HNF1B: variants seen among roughly 807,000 people sequenced by gnomAD.
HNF1B encodes HNF1 homeobox B.
In HNF1B, 8 loss-of-function variants were observed where a neutral mutation model predicts 61.7. That is an observed-to-expected ratio of 0.13 (90% CI 0.08 to 0.23). The LOEUF is 0.23. Ranked by LOEUF, HNF1B falls within the 10% of genes least tolerant of loss-of-function variation. The pLI is 1.00. For missense variants in HNF1B, 562 were observed against 714.5 expected, an observed-to-expected ratio of 0.79 and a Z score of 2.43; for synonymous variants, 314 against 287.7, an observed-to-expected ratio of 1.09 and a Z score of -0.93.
rs141193981 is a variant in HNF1B at position 37,699,135 on chromosome 17, T to C, written c.1594A>G (p.Met532Val). 459 of 1,614,016 alleles carry C rather than the reference T, an allele frequency of 2.8e-4. No homozygotes were observed. Among genetic ancestry groups the C allele is most frequent in the Non-Finnish European group, 3.6e-4 (429 of 1,180,010 alleles). The change falls in exon 8 of 9, where the codon ATG becomes GTG. Residue 532 changes from methionine (M) to valine (V), a missense_variant. By Grantham distance (21) the Met-to-Val change is conservative. Around this residue, in one of 6 missense-constraint regions of HNF1B, gnomAD observed 64 missense variants for 96.9 expected, o/e 0.66. Transcript: ENST00000617811. ...ATGCTGCTGGTATCTGTGACCACCATTGCAGATGGAAACCGGGAGGTGTGG... is the reference window on the plus strand; with the variant it reads ...ATGCTGCTGGTATCTGTGACCACCACTGCAGATGGAAACCGGGAGGTGTGG... ...YSHTSRFPSAMVVTDTSSIST... is the reference protein window; with the variant it reads ...YSHTSRFPSAVVVTDTSSIST...
At chr17:37,697,846 TGTGTGTTTC>T in intron 8 of HNF1B, among the ~76,000 whole-genome samples, 1 of 152,250 alleles carries the variant, frequency 6.6e-6, no homozygotes, top group South Asian at 2.1e-4. Flanking sequence ...CCTGGTCGTG[TGTGTGTTTC>T]AGTGCCCAAG....
chr17:37,729,497 T>C (rs1390075001), intron 4 of HNF1B: 1 of 143,302 alleles, frequency 7.0e-6, no homozygotes, highest in Non-Finnish European at 1.5e-5. Context: ...CAGTGTCCCA[T>C]AACTGTTGCT....
intron 4 of HNF1B, among the ~76,000 whole-genome samples, chr17:37,718,285 G>A (rs1284162885): frequency 2.6e-5 from 4 of 152,182 alleles, no homozygotes; most frequent in African/African-American, 9.7e-5. Flanking sequence ...CCCCCACAAG[G>A]TCTACCTGGG....
chr17:37,709,349 A>C (rs1375038652), intron 5 of HNF1B, among the ~76,000 whole-genome samples: 2 of 152,116 alleles, frequency 1.3e-5, no homozygotes, highest in Non-Finnish European at 2.9e-5. Context: ...TCCCAGGCTC[A>C]AGTGAGCTCC....
At chr17:37,716,538 C>G (rs1410184540) in intron 4 of HNF1B, among the ~76,000 whole-genome samples, 1 of 152,160 alleles carries the variant, frequency 6.6e-6, no homozygotes, top group Non-Finnish European at 1.5e-5. Context: ...CCCGTAAGCC[C>G]TGTGGTTCTT....
At position 37,744,535 on chromosome 17, in the gene HNF1B, G is replaced by T; in HGVS notation, c.344+6C>A. ...GTGGGTCCCCTCCACCTCGCTCTGC[G>T]CCTACCTGAGCATCCGGTCCACCTC... On this transcript the variant is annotated splice_donor_region_variant and intron_variant, in intron 1 of 8. Transcript: ENST00000617811. 1 of 1,601,144 alleles carries T rather than the reference G, an allele frequency of 6.2e-7. No individual in the cohort carries two copies.
intron 1 of HNF1B, among the ~76,000 whole-genome samples, chr17:37,743,386 AG>A (rs2034061173): frequency 6.6e-6 from 1 of 152,238 alleles, no homozygotes; most frequent in Non-Finnish European, 1.5e-5. Context: ...GAGAGCGACG[AG>A]GGAAGAACCT....
intron 2 of HNF1B, among the ~76,000 whole-genome samples, chr17:37,735,496 G>C (rs2033807855): frequency 6.6e-6 from 1 of 152,168 alleles, no homozygotes; most frequent in Admixed American, 6.5e-5. Flanking sequence ...ATTCACCTTG[G>C]AGGATTCTTA....
intron 5 of HNF1B, among the ~76,000 whole-genome samples, chr17:37,710,070 T>C (rs2147471796): frequency 6.6e-6 from 1 of 152,334 alleles, no homozygotes; most frequent in South Asian, 2.1e-4. Context: ...CTAATGACTC[T>C]TCTTGTCAGT....
chr17:37,735,486 A>T (rs1271358833), intron 2 of HNF1B, among the ~76,000 whole-genome samples: 1 of 152,182 alleles, frequency 6.6e-6, no homozygotes, highest in Non-Finnish European at 1.5e-5. Context: ...ATTTCGGCCC[A>T]TTCACCTTGG....
At chr17:37,696,389 A>G (rs540608809) in intron 8 of HNF1B, among the ~76,000 whole-genome samples, 6 of 152,140 alleles carry the variant, frequency 3.9e-5, no homozygotes, top group Non-Finnish European at 8.8e-5. Context: ...GTGAGCTGTG[A>G]TTGCGCCACT....
chr17:37,696,061 G>C (rs4795216), intron 8 of HNF1B, among the ~76,000 whole-genome samples: 21,751 of 152,126 alleles, frequency 0.14, 1,621 homozygotes, highest in Middle Eastern at 0.21. Context: ...GATTCCCAGT[G>C]TTGGAGGTGG....
rs757796822 is a variant in HNF1B, at chr17:37,710,408, T to C, written c.1206+95A>G. ...CTCATTTTCCCCTATGGGGCTACAA[T>C]GGTTCATTGTTTGAGGCAGGCCTTG... On this transcript the variant is annotated intron_variant, in intron 5 of 8. Coordinates refer to ENST00000617811, the MANE Select transcript of HNF1B (RefSeq NM_000458.4). 3.2e-5 allele frequency: 47 copies of C among 1,484,800 alleles called. No individual in the cohort carries two copies. The East Asian group carries it at 1.0e-3, about 33-fold the overall frequency. The allele number at this position is 1,484,800 out of a possible 1,614,324, so 92.0% of individuals were successfully genotyped here.
chr17:37,692,600 G>GCATC (rs1199938661), intron 8 of HNF1B, among the ~76,000 whole-genome samples: 1 of 145,426 alleles, frequency 6.9e-6, no homozygotes, highest in African/African-American at 2.7e-5. Flanking sequence ...CACGGGTTCT[G>GCATC]CATTCATTCG....
At chr17:37,706,477 C>T (rs945597878) in intron 5 of HNF1B, among the ~76,000 whole-genome samples, 2 of 152,052 alleles carry the variant, frequency 1.3e-5, no homozygotes, top group African/African-American at 4.8e-5. Context: ...ATCTCCCACC[C>T]TGCCCTTCCG....
chr17:37,710,594 C>T lies in HNF1B; in HGVS notation c.1115G>A (p.Ser372Asn). ...SSSTISHHGN[S>N]AMVTSQSVLQ... Reference sequence around the variant, plus strand: ...AACCGACTGGCTGGTCACCATGGCGCTGTTGCCATGGTGACTGATTGTTGA... The same window carrying T: ...AACCGACTGGCTGGTCACCATGGCGTTGTTGCCATGGTGACTGATTGTTGA... Residue 372 changes from serine to asparagine, a missense_variant, in exon 5 of 9, where the codon AGC becomes AAC. By Grantham distance (46) the Ser-to-Asn change is conservative. This residue lies in a region of HNF1B where 211 missense variants were observed against 200.7 expected (regional missense o/e 1.05). Coordinates refer to ENST00000617811, the MANE Select transcript of HNF1B (RefSeq NM_000458.4). 1 of 1,613,212 alleles carries T rather than the reference C, an allele frequency of 6.2e-7. No individual in the cohort carries two copies. Among genetic ancestry groups the T allele is most frequent in the Non-Finnish European group, 8.5e-7 (1 of 1,179,574 alleles).
At chr17:37,744,202 C>T (rs959040721) in intron 1 of HNF1B, among the ~76,000 whole-genome samples, 4 of 152,236 alleles carry the variant, frequency 2.6e-5, no homozygotes. Flanking sequence ...GCAGCGGTTT[C>T]ACTGCACCCA....
intron 7 of HNF1B, 74 bp downstream of exon 7, chr17:37,700,909 A>G: frequency 7.2e-7 from 1 of 1,382,460 alleles, no homozygotes; most frequent in South Asian, 1.2e-5. Context: ...GAGAAAGTTC[A>G]GACCCAGAGA....
chr17:37,743,205 C>A (rs1356489231), intron 1 of HNF1B, among the ~76,000 whole-genome samples: 1 of 152,068 alleles, frequency 6.6e-6, no homozygotes, highest in African/African-American at 2.4e-5. Flanking sequence ...GCGGTGGGAG[C>A]CTGGTTCATC....
Sources: gnomAD v4.1 joint callset for allele counts (sites outside exome capture counted in the v4.1 genomes callset) on GRCh38, gnomAD v4.1.1 for gene constraint, gnomAD v4.1.1 regional missense constraint, MANE v1.5 for transcripts, NCBI Gene and HGNC (gene_info 2026-07-23, HGNC 2026-07-21) for gene names.